The following MAP6 variants were observed in gnomAD, a reference collection of about 807,000 sequenced individuals.
MAP6 encodes microtubule associated protein 6, also known as microtubule-associated protein 6.
MAP6 carries 26 observed loss-of-function variants against 42.4 expected under a neutral mutation model. The ratio of observed to expected loss-of-function variants is 0.61; its 90% confidence interval spans 0.45 to 0.85. MAP6 has a LOEUF of 0.85. Among genes scored for constraint, MAP6 ranks in the 40% least tolerant of loss-of-function variants. MAP6 has a pLI of 0.00. For synonymous variants in MAP6, 418 were observed against 443.8 expected, an observed-to-expected ratio of 0.94 and a Z score of 0.73; for missense variants, 966 against 1,099.0, an observed-to-expected ratio of 0.88 and a Z score of 1.71.
intron 3 of MAP6, among the ~76,000 whole-genome samples, chr11:75,602,378 C>T (rs1942678153): frequency 6.6e-6 from 1 of 152,184 alleles, no homozygotes; most frequent in Non-Finnish European, 1.5e-5. Context: ...ACATAAGGCA[C>T]ACACACGACT....
intron 3 of MAP6, chr11:75,603,162 G>C: frequency 2.0e-6 from 2 of 985,510 alleles, no homozygotes; most frequent in Non-Finnish European, 2.4e-6. Flanking sequence ...GATTGCTGAG[G>C]GAAGCCAATG....
intron 3 of MAP6, among the ~76,000 whole-genome samples, chr11:75,602,033 G>A (rs1942672148): frequency 1.3e-5 from 2 of 151,832 alleles, no homozygotes; most frequent in South Asian, 4.2e-4. Flanking sequence ...ACAGTGCCTG[G>A]CACATAATAG....
chr11:75,647,325 C>T (rs142118793), intron 1 of MAP6, among the ~76,000 whole-genome samples: 217 of 18,360 alleles, frequency 0.012, 2 homozygotes, highest in African/African-American at 0.04. Context: ...AGAATAGCTA[C>T]TAAAAAAAAA....
At chr11:75,590,519 C>G (rs1383019226) in intron 3 of MAP6, among the ~76,000 whole-genome samples, 2 of 152,182 alleles carry the variant, frequency 1.3e-5, no homozygotes, top group Non-Finnish European at 2.9e-5. Flanking sequence ...ATGGGCTCTT[C>G]TGTTTAATGA....
chr11:75,616,434 T>C (rs1942994939), intron 1 of MAP6, among the ~76,000 whole-genome samples: 2 of 152,200 alleles, frequency 1.3e-5, no homozygotes, highest in Non-Finnish European at 2.9e-5. Context: ...CATGGAAACA[T>C]GTTAAGTCTC....
chr11:75,588,950 T>C (rs1942425538), intron 3 of MAP6, among the ~76,000 whole-genome samples: 1 of 152,182 alleles, frequency 6.6e-6, no homozygotes, highest in African/African-American at 2.4e-5. Context: ...CCTGAATAGC[T>C]GGACTACAGG....
chr11:75,622,236 G>C (rs56853461), intron 1 of MAP6, among the ~76,000 whole-genome samples: 1 of 151,434 alleles, frequency 6.6e-6, no homozygotes, highest in Non-Finnish European at 1.5e-5. Flanking sequence ...AGTTTTTTTT[G>C]ATTTTTAATT....
chr11:75,608,281 G>A lies in MAP6; in HGVS notation c.947C>T (p.Pro316Leu), dbSNP rs1942819796. 1 of 1,614,028 alleles carries A rather than the reference G, an allele frequency of 6.2e-7. No homozygotes were observed. The highest frequency in any genetic ancestry group is 1.3e-5 in the African/African-American group (1 of 74,898). Residue 316 changes from proline (P) to leucine (L), a missense_variant, in exon 2 of 4, where the codon CCA becomes CTA. Around this residue, in one of 2 missense-constraint regions of MAP6, gnomAD observed 943 missense variants for 1,049.9 expected, o/e 0.90. Coordinates refer to ENST00000304771, the MANE Select transcript of MAP6 (RefSeq NM_033063.2). ...CTTGTACTGGGGCTTGGCCTTTATT[G>A]GTTTCACAGGCTTGATGTCCGTCCA... ...RAWTDIKPVK[P>L]IKAKPQYKPP...
chr11:75,595,692 A>C (rs1395332592), intron 3 of MAP6, among the ~76,000 whole-genome samples: 1 of 151,670 alleles, frequency 6.6e-6, no homozygotes, highest in East Asian at 1.9e-4. Context: ...CTGAGCCTCT[A>C]CTTCCTTTTT....
intron 1 of MAP6, among the ~76,000 whole-genome samples, chr11:75,612,075 G>A (rs1354541701): frequency 2.6e-5 from 4 of 152,254 alleles, no homozygotes; most frequent in African/African-American, 4.8e-5. Context: ...GACACAGACC[G>A]GGCTAGATGG....
chr11:75,652,665 C>T (rs113139374), intron 1 of MAP6, among the ~76,000 whole-genome samples: 1 of 151,816 alleles, frequency 6.6e-6, no homozygotes, highest in African/African-American at 2.4e-5. Context: ...TGGTGAAACC[C>T]CATCTCTACT....
At chr11:75,608,511 G>A (rs1590764766) in intron 1 of MAP6, among the ~76,000 whole-genome samples, 189 bp from the exon 2 acceptor site, 1 of 152,310 alleles carries the variant, frequency 6.6e-6, no homozygotes, top group Middle Eastern at 3.4e-3. Context: ...AGTTGACCCA[G>A]GTTGGGTTGT....
rs1156389594 is a variant in MAP6 at position 75,587,154 on chromosome 11, C to G, written c.2347G>C (p.Gly783Arg). Reference sequence around the variant, plus strand: ...GTAGGTAGCTGAGGGTCCCTGGGACCTTGAGTCTTCAGAGGTTCAGGGACT... The same window carrying G: ...GTAGGTAGCTGAGGGTCCCTGGGACGTTGAGTCTTCAGAGGTTCAGGGACT... ...PAVPEPLKTQ[G>R]PRDPQLPTVS... is the part of the protein sequence containing the mutation. The change falls in exon 4 of 4, where the codon GGT becomes CGT. Residue 783 changes from glycine (G) to arginine (R), a missense_variant. Coordinates refer to ENST00000304771, the MANE Select transcript of MAP6 (RefSeq NM_033063.2). 1 of 1,613,996 alleles carries G rather than the reference C, an allele frequency of 6.2e-7. No individual in the cohort carries two copies. Among genetic ancestry groups the G allele is most frequent in the Non-Finnish European group, 8.5e-7 (1 of 1,179,950 alleles).
At chr11:75,657,346 C>T (rs1298423927) in intron 1 of MAP6, among the ~76,000 whole-genome samples, 1 of 152,140 alleles carries the variant, frequency 6.6e-6, no homozygotes, top group Non-Finnish European at 1.5e-5. Flanking sequence ...TTCCTGACCT[C>T]GTGATCCGCC....
chr11:75,644,080 T>C (rs1296495675), intron 1 of MAP6, among the ~76,000 whole-genome samples: 1 of 152,236 alleles, frequency 6.6e-6, no homozygotes, highest in Middle Eastern at 3.2e-3. Context: ...CAGGGCAGAA[T>C]TCTCCCAATC....
chr11:75,602,459 A>T (rs562999170), intron 3 of MAP6, among the ~76,000 whole-genome samples: 20 of 152,270 alleles, frequency 1.3e-4, no homozygotes, highest in Non-Finnish European at 2.1e-4. Context: ...AGATTAACTG[A>T]GCAAGTGAAG....
intron 1 of MAP6, among the ~76,000 whole-genome samples, chr11:75,634,178 A>T (rs1943331431): frequency 6.6e-6 from 1 of 152,254 alleles, no homozygotes; most frequent in South Asian, 2.1e-4. Context: ...TTACACAGAA[A>T]GTATGTAAAG....
At chr11:75,590,288 G>A (rs996478274) in intron 3 of MAP6, among the ~76,000 whole-genome samples, 5 of 152,190 alleles carry the variant, frequency 3.3e-5, no homozygotes, top group Admixed American at 6.5e-5. Context: ...CCTCCCAACA[G>A]GGTGAGGAAG....
At chr11:75,651,125 T>G (rs1038809197) in intron 1 of MAP6, among the ~76,000 whole-genome samples, 1 of 152,164 alleles carries the variant, frequency 6.6e-6, no homozygotes, top group Non-Finnish European at 1.5e-5. Context: ...TCTGGGGATA[T>G]GACTTCATAG....
Sources: gnomAD v4.1 joint callset for allele counts (sites outside exome capture counted in the v4.1 genomes callset) on GRCh38, gnomAD v4.1.1 for gene constraint, gnomAD v4.1.1 regional missense constraint, MANE v1.5 for transcripts, NCBI Gene and HGNC (gene_info 2026-07-23, HGNC 2026-07-21) for gene names.